FGD4: variants seen among roughly 807,000 people sequenced by gnomAD.
The protein encoded by FGD4 is FYVE, RhoGEF and PH domain containing 4.
Under a neutral mutation model 102.0 loss-of-function variants are expected in FGD4, and 42 were observed. The ratio of observed to expected loss-of-function variants is 0.41; its 90% confidence interval spans 0.32 to 0.53. The LOEUF (loss-of-function observed/expected upper bound fraction) is 0.53, where lower values mean the gene tolerates loss of function less well. FGD4 is among the 20% of genes least tolerant of loss of function. The pLI, the probability that FGD4 is intolerant of heterozygous loss-of-function variation, is 0.21. For synonymous variants in FGD4, 380 were observed against 375.7 expected (o/e 1.01, Z -0.13); for missense variants, 902 against 1,078.2 (o/e 0.84, Z 2.29).
chr12:32,545,040 G>A (rs1466314790), intron 1 of FGD4, among the ~76,000 whole-genome samples: 2 of 152,166 alleles, frequency 1.3e-5, no homozygotes, highest in African/African-American at 4.8e-5. Context: ...TGTAGTCATG[G>A]TTGAGAGCTA....
chr12:32,558,596 A>T (rs1330435303), intron 1 of FGD4, among the ~76,000 whole-genome samples: 2 of 152,258 alleles, frequency 1.3e-5, no homozygotes, highest in African/African-American at 2.4e-5. Context: ...GGTAAAATGT[A>T]ATATAACAGC....
intron 3 of FGD4, among the ~76,000 whole-genome samples, chr12:32,580,940 G>A (rs1461851551): frequency 4.6e-5 from 7 of 151,716 alleles, no homozygotes; most frequent in African/African-American, 1.7e-4. Context: ...ATTGTTATAT[G>A]TTGGGAGTAA....
rs1368796507 is a variant in FGD4 at position 32,506,348 on chromosome 12, TG to T, written c.167-57788del. Among the ~76,000 whole-genome samples, 2 of 152,184 alleles carry T rather than the reference TG, an allele frequency of 1.3e-5. No individual in the cohort carries two copies. The highest frequency in any genetic ancestry group is 2.9e-5 in the Non-Finnish European group (2 of 68,028). ...AACTGCCAAGCCAATTGGATGCATA[TG>T]TTTCTCAGCTTGCAGGCATTCTCCC... On this transcript the variant is annotated intron_variant, in intron 1 of 16. Coordinates refer to ENST00000534526, the MANE Select transcript of FGD4 (RefSeq NM_001370298.3). This position sits in a 1 kb window ranked among gnomAD's most constrained non-coding sequence, Gnocchi z 4.5.
intron 4 of FGD4, among the ~76,000 whole-genome samples, chr12:32,595,043 AAAAC>A (rs1487892573): frequency 1.3e-5 from 2 of 151,910 alleles, no homozygotes; most frequent in South Asian, 2.1e-4. Context: ...AAAAAAAAAA[AAAAC>A]AACACAGCAA....
chr12:32,550,737 A>G (rs926232964), intron 1 of FGD4, among the ~76,000 whole-genome samples: 6 of 151,964 alleles, frequency 3.9e-5, no homozygotes, highest in Non-Finnish European at 7.4e-5. Context: ...CTTTTCAGAA[A>G]ATGACTAATT....
chr12:32,553,272 T>C (rs1179879085), intron 1 of FGD4, among the ~76,000 whole-genome samples: 1 of 152,126 alleles, frequency 6.6e-6, no homozygotes, highest in African/African-American at 2.4e-5. Flanking sequence ...CTATTCAAAA[T>C]TGGAATTAGG....
chr12:32,528,421 C>A (rs893310900), intron 1 of FGD4, among the ~76,000 whole-genome samples: 1 of 152,108 alleles, frequency 6.6e-6, no homozygotes, highest in African/African-American at 2.4e-5. Context: ...CGGAGCCTCG[C>A]TCTGTCGCCC....
intron 8 of FGD4, among the ~76,000 whole-genome samples, chr12:32,608,305 A>G (rs750601619): frequency 3.3e-5 from 5 of 152,226 alleles, no homozygotes; most frequent in Non-Finnish European, 7.3e-5. Context: ...AATCACATTA[A>G]TTTTGCTGGT....
intron 1 of FGD4, among the ~76,000 whole-genome samples, chr12:32,403,682 C>T (rs1382588215): frequency 2.1e-5 from 3 of 142,396 alleles, no homozygotes; most frequent in African/African-American, 5.3e-5. Flanking sequence ...CTGCAACCTC[C>T]GCCATCTGGG....
chr12:32,550,432 G>A (rs932812958), intron 1 of FGD4, among the ~76,000 whole-genome samples: 1 of 152,108 alleles, frequency 6.6e-6, no homozygotes, highest in South Asian at 2.1e-4. Flanking sequence ...CACTTTGGGA[G>A]GGCGAGGCAG....
intron 14 of FGD4, among the ~76,000 whole-genome samples, 183 bp downstream of exon 14, chr12:32,625,962 G>A (rs1286990640): frequency 2.6e-5 from 4 of 152,132 alleles, no homozygotes; most frequent in African/African-American, 4.8e-5. Flanking sequence ...AATGTTCCCT[G>A]GCTTTACAGA....
chr12:32,464,998 A>G (rs1397380495), intron 1 of FGD4, among the ~76,000 whole-genome samples: 1 of 152,180 alleles, frequency 6.6e-6, no homozygotes, highest in Non-Finnish European at 1.5e-5. Context: ...ATTGTGATGT[A>G]ATAGGGATTA....
chr12:32,584,642 TATTA>T (rs1028286310), intron 4 of FGD4, among the ~76,000 whole-genome samples: 2 of 152,116 alleles, frequency 1.3e-5, no homozygotes, highest in Non-Finnish European at 2.9e-5. Context: ...AGTGATTATA[TATTA>T]ATTCTGTTAT....
At chr12:32,511,571 G>A (rs1939379965) in intron 1 of FGD4, among the ~76,000 whole-genome samples, 1 of 152,136 alleles carries the variant, frequency 6.6e-6, no homozygotes, top group Middle Eastern at 3.4e-3. Flanking sequence ...CAAAGTACTG[G>A]GATTACAGTT....
At chr12:32,406,783 T>G (rs557130185) in intron 1 of FGD4, among the ~76,000 whole-genome samples, 1 of 151,986 alleles carries the variant, frequency 6.6e-6, no homozygotes, top group South Asian at 2.1e-4. Flanking sequence ...ATCTGAGGGG[T>G]AGGGTTAGAG....
intron 7 of FGD4, among the ~76,000 whole-genome samples, chr12:32,605,683 T>C (rs557187564): frequency 9.2e-5 from 14 of 152,334 alleles, no homozygotes; most frequent in South Asian, 6.2e-4. Flanking sequence ...AGGCCTTACA[T>C]AGAGTAGATA....
At chr12:32,618,692 C>A (rs1003669860) in intron 10 of FGD4, among the ~76,000 whole-genome samples, 1 of 151,954 alleles carries the variant, frequency 6.6e-6, no homozygotes, top group Admixed American at 6.6e-5. Flanking sequence ...TAATTGAGGC[C>A]GGGCATGGTG....
At chr12:32,616,328 T>C (rs1443385831) in intron 10 of FGD4, among the ~76,000 whole-genome samples, 1 of 152,164 alleles carries the variant, frequency 6.6e-6, no homozygotes, top group East Asian at 1.9e-4. Flanking sequence ...TTGGGGAAAG[T>C]GGCAGTCAGT....
chr12:32,528,785 G>C lies in FGD4; in HGVS notation c.167-35352G>C, dbSNP rs568873345. 5.3e-5 allele frequency among the ~76,000 whole-genome samples: 8 copies of C among 152,072 alleles called. No homozygotes were observed. The East Asian group carries it at 1.5e-3, about 29-fold the overall frequency. On this transcript the variant is annotated intron_variant, in intron 1 of 16. Transcript: ENST00000534526. ...TATATTTTTAAAATTTATATTTTTT[G>C]TTGTTGTCTTGTTTTTATTTGAAAT...
Sources: allele counts gnomAD v4.1 joint callset (sites outside exome capture counted in the v4.1 genomes callset), GRCh38; gene constraint gnomAD v4.1.1; non-coding constraint Gnocchi (gnomAD v3.1); transcripts MANE v1.5; gene names NCBI Gene and HGNC (gene_info 2026-07-23, HGNC 2026-07-21).